IMMP2L: variants seen among roughly 807,000 people sequenced by gnomAD.
IMMP2L encodes the protein inner mitochondrial membrane peptidase subunit 2, also known as mitochondrial inner membrane protease subunit 2.
Under a neutral mutation model 19.3 loss-of-function variants are expected in IMMP2L, and 18 were observed. The observed-to-expected ratio is 0.93, with a 90% CI of 0.64 to 1.38. The LOEUF (loss-of-function observed/expected upper bound fraction) is 1.38, where lower values mean the gene tolerates loss of function less well. Ranked by LOEUF, IMMP2L falls within the 40% of genes most tolerant of loss-of-function variation. The pLI is 0.00. For synonymous variants in IMMP2L, 76 were observed against 73.0 expected (o/e 1.04, Z -0.21); for missense variants, 233 against 218.2 (o/e 1.07, Z -0.43).
intron 2 of IMMP2L, among the ~76,000 whole-genome samples, chr7:111,511,115 C>A (rs1412514762): frequency 6.6e-6 from 1 of 152,058 alleles, no homozygotes; most frequent in Non-Finnish European, 1.5e-5. Context: ...AAAAACAGGA[C>A]AAGAAATCAT....
intron 3 of IMMP2L, among the ~76,000 whole-genome samples, chr7:111,068,467 T>G (rs1257914688): frequency 1.3e-5 from 2 of 152,108 alleles, no homozygotes; most frequent in Non-Finnish European, 2.9e-5. Context: ...AACTTGTCAT[T>G]TTATGAATAT....
At chr7:111,410,091 A>C (rs1693963581) in intron 3 of IMMP2L, among the ~76,000 whole-genome samples, 1 of 151,824 alleles carries the variant, frequency 6.6e-6, no homozygotes, top group South Asian at 2.1e-4. Flanking sequence ...TTGAATAGGA[A>C]TCTGTGCTGC....
intron 1 of IMMP2L, among the ~76,000 whole-genome samples, chr7:111,553,117 CATT>C (rs1016195250): frequency 8.5e-5 from 13 of 152,222 alleles, no homozygotes; most frequent in African/African-American, 2.6e-4. Flanking sequence ...AACAAACAAT[CATT>C]GTTGTTTTCA....
At chr7:111,416,737 T>C (rs567592406) in intron 3 of IMMP2L, among the ~76,000 whole-genome samples, 1 of 151,890 alleles carries the variant, frequency 6.6e-6, no homozygotes, top group Non-Finnish European at 1.5e-5. Context: ...TCTGCCAGCA[T>C]AATATTTGTC....
chr7:110,956,177 A>G (rs1818335077), intron 4 of IMMP2L, among the ~76,000 whole-genome samples: 1 of 152,058 alleles, frequency 6.6e-6, no homozygotes, highest in South Asian at 2.1e-4. Context: ...TTTTTAATAA[A>G]TTAGGGTATT....
At chr7:111,472,683 T>C (rs1841373457) in intron 3 of IMMP2L, among the ~76,000 whole-genome samples, 1 of 152,228 alleles carries the variant, frequency 6.6e-6, no homozygotes, top group East Asian at 1.9e-4. Context: ...TAACTTTCCA[T>C]GTGAAATTGA....
At chr7:111,084,836 T>G (rs540079589) in intron 3 of IMMP2L, among the ~76,000 whole-genome samples, 1 of 152,166 alleles carries the variant, frequency 6.6e-6, no homozygotes, top group Non-Finnish European at 1.5e-5. Flanking sequence ...GTAGCAAATA[T>G]TGATAGCTCT....
intron 5 of IMMP2L, among the ~76,000 whole-genome samples, chr7:110,672,410 C>G (rs1791983579): frequency 6.6e-6 from 1 of 152,046 alleles, no homozygotes; most frequent in Admixed American, 6.5e-5. Flanking sequence ...GGGACACAAC[C>G]AAACCATATC....
intron 3 of IMMP2L, among the ~76,000 whole-genome samples, chr7:111,437,954 T>C (rs1837350309): frequency 6.6e-6 from 1 of 151,864 alleles, no homozygotes; most frequent in South Asian, 2.1e-4. Flanking sequence ...GTGTCCTCCC[T>C]AGTGGTGATG....
intron 3 of IMMP2L, among the ~76,000 whole-genome samples, chr7:111,403,374 C>T (rs1441193606): frequency 1.3e-5 from 2 of 151,818 alleles, no homozygotes; most frequent in Non-Finnish European, 1.5e-5. Flanking sequence ...TCAATTGAAC[C>T]TCTTTTCTTT....
intron 5 of IMMP2L, among the ~76,000 whole-genome samples, chr7:110,683,154 A>C (rs1031831183): frequency 3.3e-5 from 5 of 152,116 alleles, no homozygotes; most frequent in African/African-American, 1.2e-4. Context: ...GTTCTAGATA[A>C]TACCTCTTAA....
At chr7:111,226,383 G>A (rs1813105486) in intron 3 of IMMP2L, among the ~76,000 whole-genome samples, 1 of 151,900 alleles carries the variant, frequency 6.6e-6, no homozygotes. Context: ...TGCCCACGCT[G>A]GTCTTGAACT....
At chr7:111,464,010 TC>T (rs1563223625) in intron 3 of IMMP2L, among the ~76,000 whole-genome samples, 1 of 152,202 alleles carries the variant, frequency 6.6e-6, no homozygotes, top group Non-Finnish European at 1.5e-5. Flanking sequence ...TTTGCTCCTT[TC>T]CTCCTTCACA....
chr7:110,920,891 CA>C (rs1244462465), intron 4 of IMMP2L, among the ~76,000 whole-genome samples: 1 of 152,096 alleles, frequency 6.6e-6, no homozygotes, highest in Non-Finnish European at 1.5e-5. Flanking sequence ...AACCATAGCA[CA>C]ATTGTCAAAA....
At chr7:110,882,329 C>CT (rs11384485) in intron 5 of IMMP2L, among the ~76,000 whole-genome samples, 20,198 of 127,626 alleles carry the variant, frequency 0.16, 2,255 homozygotes, top group East Asian at 0.42. Flanking sequence ...TCCTTCCTTC[C>CT]TTCCTTCCTT....
intron 1 of IMMP2L, among the ~76,000 whole-genome samples, chr7:111,543,293 C>T (rs975507314): frequency 6.6e-6 from 1 of 152,086 alleles, no homozygotes; most frequent in Non-Finnish European, 1.5e-5. Flanking sequence ...CATTCATAAC[C>T]ATATTAGTGT....
chr7:111,517,554 T>A (rs1162859993), intron 2 of IMMP2L, among the ~76,000 whole-genome samples: 1 of 152,098 alleles, frequency 6.6e-6, no homozygotes, highest in Admixed American at 6.6e-5. Context: ...TCAGGACCAG[T>A]GACCCCACTG....
intron 4 of IMMP2L, among the ~76,000 whole-genome samples, chr7:110,900,900 C>T (rs1407143170): frequency 6.6e-6 from 1 of 152,048 alleles, no homozygotes; most frequent in African/African-American, 2.4e-5. Context: ...CATGGCTACA[C>T]TTTTGGCCTC....
chr7:111,476,676 G>A lies in IMMP2L; in HGVS notation c.239+10562C>T, dbSNP rs529899196. 5.9e-5 allele frequency among the ~76,000 whole-genome samples: 9 copies of A among 152,224 alleles called. No homozygotes were observed. In the South Asian group the frequency reaches 1.2e-3, roughly 21 times the overall value. The stretch of plus-strand genomic sequence containing the variant: ...CAAAATTCTGTGTAGTTGTAAGACC[G>A]AGGTACTTGTTTCCTTGCTGATCTT... On this transcript the variant is annotated intron_variant, in intron 3 of 5. Coordinates refer to ENST00000405709, the MANE Select transcript of IMMP2L (RefSeq NM_032549.4).
Sources: allele counts gnomAD v4.1 joint callset (sites outside exome capture counted in the v4.1 genomes callset), GRCh38; gene constraint gnomAD v4.1.1; transcripts MANE v1.5; gene names NCBI Gene and HGNC (gene_info 2026-07-23, HGNC 2026-07-21).